ME1: variants seen among roughly 807,000 people sequenced by gnomAD.
ME1 encodes the protein NADP-dependent malic enzyme.
A neutral mutation model predicts 66.4 loss-of-function variants in ME1; 74 were observed. The observed-to-expected ratio is 1.11, with a 90% confidence interval of 0.92 to 1.35. ME1 has a LOEUF of 1.35. ME1 is among the 40% of genes most tolerant of loss of function. The pLI is 0.00. For synonymous variants in ME1, 251 were observed against 235.6 expected (o/e 1.07, Z -0.60); for missense variants, 750 against 694.1 (o/e 1.08, Z -0.90).
chr6:83,296,950 AATTCAGTG>A (rs1767609121), intron 6 of ME1, among the ~76,000 whole-genome samples: 1 of 152,234 alleles, frequency 6.6e-6, no homozygotes. Flanking sequence ...TGTATCATAA[AATTCAGTG>A]ATTCAGTGAT....
intron 1 of ME1, among the ~76,000 whole-genome samples, chr6:83,416,136 T>C (rs772081344): frequency 6.6e-6 from 1 of 152,224 alleles, no homozygotes; most frequent in East Asian, 1.9e-4. Flanking sequence ...GCCTCAATTA[T>C]TGCATCTGCT....
intron 12 of ME1, among the ~76,000 whole-genome samples, chr6:83,217,857 T>C (rs1790023182): frequency 6.6e-6 from 1 of 152,022 alleles, no homozygotes; most frequent in Non-Finnish European, 1.5e-5. Flanking sequence ...ATTATCAATG[T>C]CAAAAAAGGA....
intron 3 of ME1, among the ~76,000 whole-genome samples, chr6:83,371,420 G>A (rs1323582756): frequency 1.3e-5 from 2 of 152,062 alleles, no homozygotes; most frequent in Non-Finnish European, 2.9e-5. Context: ...TAATGTTTTG[G>A]AAAACTGACA....
chr6:83,399,436 A>C (rs1358465091), intron 2 of ME1, among the ~76,000 whole-genome samples: 1 of 152,250 alleles, frequency 6.6e-6, no homozygotes, highest in Non-Finnish European at 1.5e-5. Flanking sequence ...AGAGATGAAA[A>C]TATAACTATA....
Position 83,352,146 on chromosome 6 carries a change from A to T in ME1, c.363-7T>A. 82 of 292,594 alleles carry T rather than the reference A, an allele frequency of 2.8e-4. No homozygotes were observed. Among genetic ancestry groups the T allele is most frequent in the Middle Eastern group, 1.4e-3 (1 of 738 alleles). 18.1% of individuals were successfully genotyped at this position (292,594 alleles called of 1,614,324 possible). A position where few individuals can be genotyped will look rare whatever the true frequency, so the allele number is the denominator to read the frequency against. ...GATAGTAATAAAGAGACCTCTGCAG[A>T]AAAAAAAAAAAAAAAAGGAGTAGTT... On this transcript the variant is annotated splice_region_variant and splice_polypyrimidine_tract_variant and intron_variant, in intron 3 of 13. Coordinates refer to ENST00000369705, the MANE Select transcript of ME1 (RefSeq NM_002395.6).
chr6:83,351,725 T>G (rs917047177), intron 4 of ME1, among the ~76,000 whole-genome samples: 3 of 152,224 alleles, frequency 2.0e-5, no homozygotes, highest in African/African-American at 7.2e-5. Flanking sequence ...TTTTCTTGCC[T>G]ACTTGGATTC....
At chr6:83,299,898 T>G (rs955173304) in intron 6 of ME1, among the ~76,000 whole-genome samples, 1 of 152,162 alleles carries the variant, frequency 6.6e-6, no homozygotes, top group Non-Finnish European at 1.5e-5. Context: ...TGTGATGGAT[T>G]TCATTAATTG....
At chr6:83,277,015 T>C (rs1479925502) in intron 6 of ME1, among the ~76,000 whole-genome samples, 2 of 152,240 alleles carry the variant, frequency 1.3e-5, no homozygotes, top group Non-Finnish European at 2.9e-5. Flanking sequence ...AATTTTAGCA[T>C]ATTGTCTTAA....
intron 6 of ME1, among the ~76,000 whole-genome samples, chr6:83,282,350 T>C (rs1767315005): frequency 6.6e-6 from 1 of 152,310 alleles, no homozygotes. Context: ...GAGAAAATTT[T>C]TGCAATCTAT....
At chr6:83,379,527 C>T (rs529783264) in intron 3 of ME1, among the ~76,000 whole-genome samples, 1 of 151,904 alleles carries the variant, frequency 6.6e-6, no homozygotes, top group Middle Eastern at 3.5e-3. Context: ...TTGTAAACAC[C>T]GTTTTCAGTA....
chr6:83,367,748 G>A (rs1769126337), intron 3 of ME1, among the ~76,000 whole-genome samples: 1 of 152,170 alleles, frequency 6.6e-6, no homozygotes, highest in African/African-American at 2.4e-5. Flanking sequence ...GTTGTGGCTG[G>A]TTTGATCTTC....
chr6:83,324,752 G>C (rs1768254230), intron 5 of ME1, among the ~76,000 whole-genome samples: 1 of 138,312 alleles, frequency 7.2e-6, no homozygotes, highest in South Asian at 2.3e-4. Flanking sequence ...CCCAGGACGA[G>C]ATGGATTCAC....
In ME1 at chr6:83,419,563, C is replaced by T. The variant is rs377482957; in HGVS notation, c.78+11314G>A. On this transcript the variant is annotated intron_variant, in intron 1 of 13. Transcript: ENST00000369705. Reference sequence around the variant, plus strand: ...ATATAATGAAAACACTGGTCACTGGCAACAGTGGTTGCCTTTAGGGAGGGG... The same window carrying T: ...ATATAATGAAAACACTGGTCACTGGTAACAGTGGTTGCCTTTAGGGAGGGG... Among the ~76,000 whole-genome samples the T allele has an allele frequency of 7.0e-4, 106 of 152,294 alleles. 1 individual carries two copies. The highest frequency in any genetic ancestry group is 2.5e-3 in the African/African-American group (102 of 41,560).
At chr6:83,404,761 G>A (rs895247674) in intron 2 of ME1, among the ~76,000 whole-genome samples, 1 of 152,136 alleles carries the variant, frequency 6.6e-6, no homozygotes, top group Non-Finnish European at 1.5e-5. Flanking sequence ...TATTAAATAG[G>A]GAATCCTTTC....
In ME1 at chr6:83,223,841, A is replaced by G. The variant is rs1044946; in HGVS notation, c.1368T>C (p.Tyr456=). Residue 456 remains tyrosine (Y), a synonymous_variant, in exon 12 of 14, where the codon TAT becomes TAC. Coordinates refer to ENST00000369705, the MANE Select transcript of ME1 (RefSeq NM_002395.6). Reference sequence around the variant, plus strand: ...CACCAAGAGCAACTCCAGGGAACACATAGGAATTGTTGCCTTGGCCAGGAT... The same window carrying G: ...CACCAAGAGCAACTCCAGGGAACACGTAGGAATTGTTGCCTTGGCCAGGAT... ...TLYPGQGNNS[Y]VFPGVALGVV... The G allele has an allele frequency of 6.2e-7, 1 of 1,613,902 alleles. No homozygotes were observed. The highest frequency in any genetic ancestry group is 1.3e-5 in the African/African-American group (1 of 74,936).
At position 83,352,158 on chromosome 6, in the gene ME1, A is replaced by G; in HGVS notation, c.363-19T>C. 6.7e-7 allele frequency: 1 copy of G among 1,493,744 alleles called. No homozygotes were observed. The highest frequency in any genetic ancestry group is 8.9e-7 in the Non-Finnish European group (1 of 1,118,756). The allele number at this position is 1,493,744 out of a possible 1,614,324, so 92.5% of individuals were successfully genotyped here. On this transcript the variant is annotated intron_variant, in intron 3 of 13. Transcript: ENST00000369705. Reference sequence around the variant, plus strand: ...GAGACCTCTGCAGAAAAAAAAAAAAAAAAAGGAGTAGTTTACATTTACTTC... The same window carrying G: ...GAGACCTCTGCAGAAAAAAAAAAAAGAAAAGGAGTAGTTTACATTTACTTC...
At chr6:83,281,865 A>G (rs1387783037) in intron 6 of ME1, among the ~76,000 whole-genome samples, 5 of 146,932 alleles carry the variant, frequency 3.4e-5, no homozygotes, top group South Asian at 2.1e-4. Flanking sequence ...GAAAAAAAAA[A>G]AGAGAGAAAA....
In ME1 at chr6:83,376,701, AC is replaced by A. The variant is rs975278787; in HGVS notation, c.362+21665del. Among the ~76,000 whole-genome samples, 7 of 150,486 alleles carry A rather than the reference AC, an allele frequency of 4.7e-5. No individual in the cohort carries two copies. In the Admixed American group the frequency reaches 4.7e-4, roughly 10 times the overall value. The stretch of plus-strand genomic sequence containing the variant: ...GCCTATAATCCCAGCTTCTTGGGAG[AC>A]TGAGGCAGGAGAATCACCTGAACAT... On this transcript the variant is annotated intron_variant, in intron 3 of 13. Transcript: ENST00000369705.
chr6:83,360,819 C>T (rs566074774), intron 3 of ME1, among the ~76,000 whole-genome samples: 2 of 152,362 alleles, frequency 1.3e-5, no homozygotes, highest in Admixed American at 1.3e-4. Flanking sequence ...CAAGTGGTGA[C>T]TCCAATTGCA....
Sources: gnomAD v4.1 joint callset for allele counts (sites outside exome capture counted in the v4.1 genomes callset) on GRCh38, gnomAD v4.1.1 for gene constraint, MANE v1.5 for transcripts, NCBI Gene and HGNC (gene_info 2026-07-23, HGNC 2026-07-21) for gene names.